VPS13B: variants seen among roughly 807,000 people sequenced by gnomAD.
VPS13B encodes intermembrane lipid transfer protein VPS13B.
In VPS13B, 285 loss-of-function variants were observed where a neutral mutation model predicts 426.4. That is an observed-to-expected ratio of 0.67 (90% CI 0.61 to 0.74). The LOEUF (loss-of-function observed/expected upper bound fraction) is 0.74. Among genes scored for constraint, VPS13B ranks in the 30% least tolerant of loss-of-function variants. VPS13B has a pLI of 0.00. For missense variants in VPS13B, 4,537 were observed against 4,782.6 expected (o/e 0.95, Z 1.51); for synonymous variants, 1,676 against 1,676.4 (o/e 1.00, Z 0.01).
chr8:99,455,107 A>G (rs1818385634), intron 23 of VPS13B, among the ~76,000 whole-genome samples: 1 of 152,132 alleles, frequency 6.6e-6, no homozygotes, highest in Admixed American at 6.6e-5. Flanking sequence ...TTTTAATTTT[A>G]GTAAAGTCCA....
chr8:99,862,257 G>T (rs1051913173), intron 58 of VPS13B, among the ~76,000 whole-genome samples: 5 of 152,226 alleles, frequency 3.3e-5, no homozygotes, highest in African/African-American at 1.2e-4. Context: ...GCATCCAGCT[G>T]TTGGCTTTCT....
intron 25 of VPS13B, among the ~76,000 whole-genome samples, chr8:99,498,652 TTAAAC>T (rs1175094975): frequency 5.9e-5 from 9 of 152,188 alleles, no homozygotes; most frequent in East Asian, 3.8e-4. Flanking sequence ...GATTTATACT[TTAAAC>T]TATGAGTAAT....
At chr8:99,186,249 T>C (rs7818738) in intron 16 of VPS13B, among the ~76,000 whole-genome samples, 12,802 of 152,164 alleles carry the variant, frequency 0.084, 724 homozygotes, top group African/African-American at 0.16. Flanking sequence ...AAGTTAGAAA[T>C]TTTTGGTATG....
chr8:99,845,793 G>A (rs1380049308), intron 54 of VPS13B, among the ~76,000 whole-genome samples: 2 of 152,154 alleles, frequency 1.3e-5, no homozygotes, highest in East Asian at 3.8e-4. Context: ...TTTAGGTTTT[G>A]CAGGCCTTAT....
At chr8:99,606,498 C>CA (rs370527702) in intron 33 of VPS13B, among the ~76,000 whole-genome samples, 20,884 of 73,540 alleles carry the variant, frequency 0.28, 2,303 homozygotes, top group East Asian at 0.54. Context: ...GACTCAGTTT[C>CA]AAAAAAAAAA....
intron 23 of VPS13B, among the ~76,000 whole-genome samples, chr8:99,466,848 A>G (rs908062061): frequency 6.6e-6 from 1 of 152,070 alleles, no homozygotes; most frequent in African/African-American, 2.4e-5. Flanking sequence ...ACCATATTAG[A>G]TTGTTTATTC....
chr8:99,331,270 G>T (rs761738125), intron 19 of VPS13B, among the ~76,000 whole-genome samples: 5 of 151,722 alleles, frequency 3.3e-5, no homozygotes, highest in Non-Finnish European at 5.9e-5. Context: ...TTACTTAAGG[G>T]ATCAACCTGT....
chr8:99,470,755 T>C (rs995746985), intron 24 of VPS13B, among the ~76,000 whole-genome samples: 6 of 150,788 alleles, frequency 4.0e-5, no homozygotes, highest in African/African-American at 1.5e-4. Flanking sequence ...ACAGAAAACT[T>C]TGCAAATTTG....
intron 30 of VPS13B, among the ~76,000 whole-genome samples, chr8:99,541,514 A>T (rs1315760252): frequency 6.6e-6 from 1 of 151,986 alleles, no homozygotes; most frequent in Non-Finnish European, 1.5e-5. Flanking sequence ...CTGCACCCGG[A>T]CAGGCCCCGG....
intron 43 of VPS13B, among the ~76,000 whole-genome samples, chr8:99,806,092 C>T (rs554367340): frequency 2.6e-5 from 4 of 152,318 alleles, no homozygotes; most frequent in South Asian, 4.1e-4. Flanking sequence ...TGCCTCTCCA[C>T]GTGCTCTCAC....
intron 20 of VPS13B, chr8:99,389,810 G>C (rs922947467): frequency 6.6e-6 from 1 of 152,090 alleles, no homozygotes; most frequent in Admixed American, 6.5e-5. Flanking sequence ...CCTTTTTAGA[G>C]TTTGGATTGT....
chr8:99,449,988 A>G (rs12549722), intron 23 of VPS13B, among the ~76,000 whole-genome samples: 1,782 of 152,134 alleles, frequency 0.012, 14 homozygotes, highest in Non-Finnish European at 0.019. Flanking sequence ...TATTTTTAGT[A>G]GAGACGGGGT....
chr8:99,614,252 TACACACAC>T (rs146295745), intron 33 of VPS13B, among the ~76,000 whole-genome samples: 12 of 150,354 alleles, frequency 8.0e-5, no homozygotes, highest in Admixed American at 7.3e-4. Flanking sequence ...TTAAATTTTA[TACACACAC>T]ACACACACAC....
intron 35 of VPS13B, among the ~76,000 whole-genome samples, chr8:99,688,870 G>A (rs1436560147): frequency 1.3e-5 from 2 of 152,072 alleles, no homozygotes; most frequent in Non-Finnish European, 2.9e-5. Flanking sequence ...GAAAGAATGA[G>A]GCTTGGATCC....
chr8:99,773,632 A>G (rs1197940352), intron 40 of VPS13B, among the ~76,000 whole-genome samples: 2 of 152,192 alleles, frequency 1.3e-5, no homozygotes, highest in African/African-American at 4.8e-5. Flanking sequence ...CCTAAAAACA[A>G]CACTTAAATA....
chr8:99,825,034 A>G (rs921908716), intron 51 of VPS13B, among the ~76,000 whole-genome samples: 3 of 152,254 alleles, frequency 2.0e-5, no homozygotes, highest in Non-Finnish European at 4.4e-5. Flanking sequence ...GCTGCAATAA[A>G]CATACATGTG....
chr8:99,254,327 G>A (rs964993919), intron 17 of VPS13B, among the ~76,000 whole-genome samples: 10 of 151,860 alleles, frequency 6.6e-5, no homozygotes, highest in Admixed American at 5.9e-4. Context: ...AGAATTTGGG[G>A]TACTTTTTTT....
intron 19 of VPS13B, among the ~76,000 whole-genome samples, chr8:99,330,657 G>A (rs749280497): frequency 6.6e-6 from 1 of 151,784 alleles, no homozygotes; most frequent in Admixed American, 6.6e-5. Context: ...TAAGTTGTGG[G>A]ATAATGGAGT....
chr8:99,858,894 G>A (rs1816690858), intron 56 of VPS13B, among the ~76,000 whole-genome samples: 1 of 152,154 alleles, frequency 6.6e-6, no homozygotes, highest in Non-Finnish European at 1.5e-5. Context: ...CCCTGGCCAG[G>A]CATCTCCTCC....
Sources: gnomAD v4.1 joint callset for allele counts (sites outside exome capture counted in the v4.1 genomes callset) on GRCh38, gnomAD v4.1.1 for gene constraint, MANE v1.5 for transcripts, NCBI Gene and HGNC (gene_info 2026-07-23, HGNC 2026-07-21) for gene names.